The following MGAT4C variants were observed in gnomAD, a reference collection of about 807,000 sequenced individuals.
The protein encoded by MGAT4C is MGAT4 family member C.
MGAT4C carries 19 observed loss-of-function variants against 40.1 expected under a neutral mutation model. The observed-to-expected ratio is 0.47, with a 90% CI of 0.33 to 0.70. MGAT4C has a LOEUF of 0.70. Ranked by LOEUF, MGAT4C falls within the 30% of genes least tolerant of loss-of-function variation. The pLI is 0.02. For missense variants in MGAT4C, 491 were observed against 563.2 expected, an observed-to-expected ratio of 0.87 and a Z score of 1.30; for synonymous variants, 181 against 187.1, an observed-to-expected ratio of 0.97 and a Z score of 0.27.
At chr12:86,699,513 T>C (rs1023851504) in intron 2 of MGAT4C, among the ~76,000 whole-genome samples, 1 of 152,004 alleles carries the variant, frequency 6.6e-6, no homozygotes, top group African/African-American at 2.4e-5. Context: ...TAAGTTTAGA[T>C]TGTGTGTGTT....
intron 1 of MGAT4C, among the ~76,000 whole-genome samples, chr12:86,829,340 T>C (rs1593245750): frequency 6.6e-6 from 1 of 151,548 alleles, no homozygotes; most frequent in Non-Finnish European, 1.5e-5. Flanking sequence ...TATACATCCT[T>C]CCAAGCCTCT....
intron 2 of MGAT4C, among the ~76,000 whole-genome samples, chr12:86,552,128 G>T (rs941410352): frequency 6.8e-6 from 1 of 147,284 alleles, no homozygotes; most frequent in Non-Finnish European, 1.5e-5. Context: ...TCAAGGAAAA[G>T]AATTTATTGT....
At chr12:86,318,782 C>A (rs1342331837) in intron 4 of MGAT4C, among the ~76,000 whole-genome samples, 1 of 152,122 alleles carries the variant, frequency 6.6e-6, no homozygotes, top group Admixed American at 6.5e-5. Flanking sequence ...CTTTAAGTGG[C>A]ACAAACTTTC....
At chr12:86,140,508 G>C (rs749247267) in intron 1 of MGAT4C, among the ~76,000 whole-genome samples, 3 of 152,050 alleles carry the variant, frequency 2.0e-5, no homozygotes, top group Non-Finnish European at 4.4e-5. Flanking sequence ...GGGCCTGTCG[G>C]GGGGTGGGAG....
chr12:86,080,635 C>T (rs1275836004), intron 1 of MGAT4C, among the ~76,000 whole-genome samples: 1 of 152,088 alleles, frequency 6.6e-6, no homozygotes, highest in Admixed American at 6.6e-5. Flanking sequence ...ACCATGAATT[C>T]AACTGGTATC....
At chr12:86,478,198 A>G (rs188038514) in intron 2 of MGAT4C, among the ~76,000 whole-genome samples, 48 of 152,306 alleles carry the variant, frequency 3.2e-4, no homozygotes, top group African/African-American at 1.1e-3. Context: ...GTCAGAGGCC[A>G]GTCTAGCAAC....
intron 2 of MGAT4C, among the ~76,000 whole-genome samples, chr12:86,700,302 G>T (rs1250354832): frequency 6.6e-6 from 1 of 151,952 alleles, no homozygotes; most frequent in Non-Finnish European, 1.5e-5. Context: ...TTAATATATT[G>T]ACTAGAACAG....
intron 1 of MGAT4C, among the ~76,000 whole-genome samples, chr12:86,744,870 C>T (rs1951128517): frequency 6.6e-6 from 1 of 151,442 alleles, no homozygotes; most frequent in African/African-American, 2.4e-5. Flanking sequence ...GACAAGGATC[C>T]AAACCCGACA....
intron 1 of MGAT4C, among the ~76,000 whole-genome samples, chr12:86,732,942 C>T (rs1449995114): frequency 6.6e-6 from 1 of 151,928 alleles, no homozygotes; most frequent in African/African-American, 2.4e-5. Context: ...GGTCCTTTTC[C>T]CCCAGCCCAG....
At chr12:86,810,916 A>G (rs766302659) in intron 1 of MGAT4C, among the ~76,000 whole-genome samples, 6 of 151,828 alleles carry the variant, frequency 4.0e-5, no homozygotes, top group African/African-American at 1.4e-4. Flanking sequence ...TGCAATTAGC[A>G]ATTGCTCTGA....
At chr12:86,361,035 C>T (rs149674752) in intron 3 of MGAT4C, among the ~76,000 whole-genome samples, 468 of 72,714 alleles carry the variant, frequency 6.4e-3, no homozygotes, top group African/African-American at 0.021. Flanking sequence ...AAGGACAATC[C>T]TAAGCCAAAA....
chr12:86,768,239 C>A (rs1436629237), intron 1 of MGAT4C, among the ~76,000 whole-genome samples: 2 of 152,058 alleles, frequency 1.3e-5, no homozygotes, highest in African/African-American at 4.8e-5. Context: ...AAACAGAGAG[C>A]TAAATCATGA....
chr12:86,076,179 A>G (rs1345594245), intron 1 of MGAT4C, among the ~76,000 whole-genome samples: 7 of 152,148 alleles, frequency 4.6e-5, no homozygotes, highest in African/African-American at 1.4e-4. Context: ...AAGTTCCACA[A>G]GTCTCTAGGA....
chr12:86,811,081 T>C (rs975964898), intron 1 of MGAT4C, among the ~76,000 whole-genome samples: 2 of 145,814 alleles, frequency 1.4e-5, no homozygotes, highest in African/African-American at 5.0e-5. Context: ...AATTTTCATG[T>C]GTTTAGAGAT....
chr12:86,304,777 A>T (rs1592673825), intron 4 of MGAT4C, among the ~76,000 whole-genome samples: 3 of 150,126 alleles, frequency 2.0e-5, no homozygotes, highest in Admixed American at 1.3e-4. Context: ...ATGCAGACAC[A>T]TGAGAGGAGA....
At chr12:86,127,870 CCTT>C in intron 1 of MGAT4C, among the ~76,000 whole-genome samples, 1 of 152,242 alleles carries the variant, frequency 6.6e-6, no homozygotes, top group East Asian at 1.9e-4. Flanking sequence ...GGGAACAATT[CCTT>C]CTTTTCTTTT....
intron 1 of MGAT4C, among the ~76,000 whole-genome samples, chr12:86,729,538 T>C (rs1011816976): frequency 2.9e-4 from 44 of 152,078 alleles, no homozygotes; most frequent in African/African-American, 9.2e-4. Context: ...CTATAAGTTA[T>C]TTTCCAAAAT....
intron 1 of MGAT4C, among the ~76,000 whole-genome samples, chr12:86,201,223 G>A (rs1950037420): frequency 1.3e-5 from 2 of 152,010 alleles, no homozygotes; most frequent in South Asian, 2.1e-4. Flanking sequence ...ATGTATGCAT[G>A]ACCCATGCGA....
At chr12:86,104,346 G>A (rs1260190000) in intron 1 of MGAT4C, among the ~76,000 whole-genome samples, 1 of 151,984 alleles carries the variant, frequency 6.6e-6, no homozygotes, top group Non-Finnish European at 1.5e-5. Context: ...AGATGGAGGT[G>A]CGACAGTCAA....
Sources: gnomAD v4.1 joint callset for allele counts (sites outside exome capture counted in the v4.1 genomes callset) on GRCh38, gnomAD v4.1.1 for gene constraint, MANE v1.5 for transcripts, NCBI Gene and HGNC (gene_info 2026-07-23, HGNC 2026-07-21) for gene names.